The following RSPH14 variants were observed in gnomAD, a reference collection of about 807,000 sequenced individuals.
RSPH14 encodes rhabdoid tumor deletion region gene 1.
In RSPH14, 20 loss-of-function variants were observed where a neutral mutation model predicts 26.7. That is an observed-to-expected ratio of 0.75 (90% CI 0.53 to 1.09). RSPH14 has a LOEUF of 1.09. RSPH14 is among the 50% of genes least tolerant of loss of function. The probability of loss-of-function intolerance (pLI) is 0.00; values close to 1 mark genes in which losing one functional copy is unlikely to be tolerated. For synonymous variants in RSPH14, 177 were observed against 189.3 expected (o/e 0.93, Z 0.53); for missense variants, 449 against 457.2 (o/e 0.98, Z 0.16).
At chr22:23,130,368 T>A (rs1569193024) in intron 4 of RSPH14, among the ~76,000 whole-genome samples, 1 of 149,746 alleles carries the variant, frequency 6.7e-6, no homozygotes, top group Admixed American at 6.7e-5. Flanking sequence ...GGCAGGAGAA[T>A]GGCATGAACC....
At chr22:23,158,836 T>C in the RSPH14 span, 1 of 1,492,632 alleles carries the variant, frequency 6.7e-7, no homozygotes, top group Non-Finnish European at 9.3e-7. Context: ...AAGTGTGCCC[T>C]CTGCCCCCTG....
the RSPH14 span, among the ~76,000 whole-genome samples, chr22:23,172,625 C>A: frequency 6.8e-6 from 1 of 146,908 alleles, no homozygotes; most frequent in African/African-American, 2.5e-5. Flanking sequence ...ATGGTATGAA[C>A]CCAGGAGGCG....
chr22:23,097,562 C>T (rs1374146647), intron 4 of RSPH14, among the ~76,000 whole-genome samples: 4 of 152,228 alleles, frequency 2.6e-5, no homozygotes, highest in Non-Finnish European at 5.9e-5. Flanking sequence ...CTGGGGGAAA[C>T]GAATGACGGA....
At chr22:23,176,472 C>T in the RSPH14 span, among the ~76,000 whole-genome samples, 9 of 152,220 alleles carry the variant, frequency 5.9e-5, no homozygotes, top group Non-Finnish European at 1.5e-5. Context: ...AGCATAGGCT[C>T]CTAGGGCTAG....
chr22:23,163,005 A>G, the RSPH14 span: 5 of 296,776 alleles, frequency 1.7e-5, no homozygotes, highest in Non-Finnish European at 3.3e-5. Context: ...TCTGCCTCCC[A>G]GGTTGAAGCG....
intron 4 of RSPH14, among the ~76,000 whole-genome samples, chr22:23,068,316 C>G (rs2068257550): frequency 6.6e-6 from 1 of 152,256 alleles, no homozygotes; most frequent in African/African-American, 2.4e-5. Flanking sequence ...CCACATGCCC[C>G]CAGAGCCCCA....
chr22:23,169,584 G>T, the RSPH14 span, among the ~76,000 whole-genome samples: 1 of 152,194 alleles, frequency 6.6e-6, no homozygotes, highest in Non-Finnish European at 1.5e-5. Flanking sequence ...TCAAGTCTGG[G>T]CCCCCAGTTA....
At chr22:23,063,667 T>C (rs1443176412) in intron 5 of RSPH14, among the ~76,000 whole-genome samples, 1 of 152,144 alleles carries the variant, frequency 6.6e-6, no homozygotes, top group Non-Finnish European at 1.5e-5. Context: ...GGGTGCACAA[T>C]CATCTGGCTT....
At chr22:23,150,926 G>A in the RSPH14 span, among the ~76,000 whole-genome samples, 6 of 152,222 alleles carry the variant, frequency 3.9e-5, no homozygotes, top group African/African-American at 1.4e-4. Flanking sequence ...CCTAGCCCAA[G>A]AGGGCGAGGG....
chr22:23,162,069 T>C, the RSPH14 span: 1 of 167,676 alleles, frequency 6.0e-6, no homozygotes, highest in Middle Eastern at 3.0e-3. Context: ...CCCTGGGAGT[T>C]TTCTGTTGTC....
intron 4 of RSPH14, among the ~76,000 whole-genome samples, chr22:23,110,422 C>A (rs950473468): frequency 1.4e-4 from 21 of 152,218 alleles, no homozygotes; most frequent in African/African-American, 5.1e-4. Context: ...GGAGGCCCAC[C>A]CCACCCATGG....
At chr22:23,154,114 C>T in the RSPH14 span, among the ~76,000 whole-genome samples, 1 of 152,212 alleles carries the variant, frequency 6.6e-6, no homozygotes, top group South Asian at 2.1e-4. Context: ...CTTACCCTCT[C>T]CCACCCCAGC....
chr22:23,147,616 G>C (rs931952375), upstream of RSPH14, among the ~76,000 whole-genome samples: 3 of 152,172 alleles, frequency 2.0e-5, no homozygotes, highest in African/African-American at 7.2e-5. Flanking sequence ...TATAGGTGTG[G>C]ACCACCACAA....
chr22:23,160,791 G>A, the RSPH14 span: 5 of 1,541,588 alleles, frequency 3.2e-6, no homozygotes, highest in Non-Finnish European at 4.4e-6. Context: ...GCCAACCTGA[G>A]GGTAGGCTAG....
the RSPH14 span, chr22:23,156,140 T>TCTGAGAAAA: frequency 0.24 from 229,019 of 954,164 alleles, 30,929 homozygotes; most frequent in East Asian, 0.36. Context: ...TTTTTTGTCC[T>TCTGAGAAAA]CCAAGACCCA....
At chr22:23,120,987 C>T (rs150354372) in intron 4 of RSPH14, among the ~76,000 whole-genome samples, 35 of 152,354 alleles carry the variant, frequency 2.3e-4, no homozygotes, top group African/African-American at 8.2e-4. Context: ...TCTGTTACCA[C>T]AGTCCTCTAT....
At chr22:23,163,606 G>GCCCCCCCCCCCCCCCCCCCCCCCCCCCC in the RSPH14 span, 3 of 125,230 alleles carry the variant, frequency 2.4e-5, no homozygotes, top group Admixed American at 1.7e-4. Flanking sequence ...CAAGGTGAAA[G>GCCCCCCCCCCCCCCCCCCCCCCCCCCCC]CCCCCCCCCC....
At chr22:23,157,423 T>G in the RSPH14 span, among the ~76,000 whole-genome samples, 439 of 152,032 alleles carry the variant, frequency 2.9e-3, 4 homozygotes, top group African/African-American at 7.3e-3. Context: ...GCTAATTTTT[T>G]TGTGTGTGTG....
At chr22:23,078,489 A>C (rs79980463) in intron 4 of RSPH14, among the ~76,000 whole-genome samples, 5 of 113,936 alleles carry the variant, frequency 4.4e-5, no homozygotes, top group African/African-American at 9.3e-5. Flanking sequence ...TGACACCCCC[A>C]TCTCTGTCGT....
Sources: allele counts gnomAD v4.1 joint callset (sites outside exome capture counted in the v4.1 genomes callset), GRCh38; gene constraint gnomAD v4.1.1; transcripts MANE v1.5; gene names NCBI Gene and HGNC (gene_info 2026-07-23, HGNC 2026-07-21).